IGSF9B: variants seen among roughly 807,000 people sequenced by gnomAD.
The protein encoded by IGSF9B is protein turtle homolog B.
In IGSF9B, 48 loss-of-function variants were observed where a neutral mutation model predicts 143.7. The observed-to-expected ratio is 0.33, with a 90% confidence interval of 0.26 to 0.42. The LOEUF (loss-of-function observed/expected upper bound fraction) is 0.42, where lower values mean the gene tolerates loss of function less well. Among genes scored for constraint, IGSF9B ranks in the 20% least tolerant of loss-of-function variants. The pLI, the probability that IGSF9B is intolerant of heterozygous loss-of-function variation, is 1.00. For synonymous variants in IGSF9B, 903 were observed against 833.1 expected, an observed-to-expected ratio of 1.08 and a Z score of -1.44; for missense variants, 1,706 against 1,980.0, an observed-to-expected ratio of 0.86 and a Z score of 2.63.
At chr11:133,940,628 G>A (rs959683259) in intron 3 of IGSF9B, among the ~76,000 whole-genome samples, 3 of 128,346 alleles carry the variant, frequency 2.3e-5, no homozygotes, top group Non-Finnish European at 3.2e-5. Flanking sequence ...CACCTTGCAC[G>A]TCCTCGCACG....
chr11:133,914,162 A>C (rs2121274153), intron 18 of IGSF9B, among the ~76,000 whole-genome samples: 1 of 152,330 alleles, frequency 6.6e-6, no homozygotes, highest in Admixed American at 6.5e-5. Context: ...CTGCTGTACA[A>C]TAATTGCCTG....
In IGSF9B at chr11:133,904,569, G is replaced by C. The variant is rs1223299395; in HGVS notation, c.*4500C>G. 6.6e-6 allele frequency among the ~76,000 whole-genome samples: 1 copy of C among 152,012 alleles called. No individual in the cohort carries two copies. Among genetic ancestry groups the C allele is most frequent in the Non-Finnish European group, 1.5e-5 (1 of 67,998 alleles). On this transcript the variant is annotated 3_prime_UTR_variant, in exon 20 of 20. Transcript: ENST00000533871. ...CCCAGATCCCCCTCCCACATGCCCTGCATGGCTACCACTCCCCAGCCAGAT... is the reference window on the plus strand; with the variant it reads ...CCCAGATCCCCCTCCCACATGCCCTCCATGGCTACCACTCCCCAGCCAGAT...
At chr11:133,930,583 G>A (rs1281957992) in intron 11 of IGSF9B, among the ~76,000 whole-genome samples, 1 of 152,128 alleles carries the variant, frequency 6.6e-6, no homozygotes, top group Non-Finnish European at 1.5e-5. Flanking sequence ...CCGCACGCCA[G>A]GCCTGGCCTG....
intron 18 of IGSF9B, chr11:133,919,231 T>TA (rs1194065560): frequency 5.5e-6 from 2 of 362,132 alleles, no homozygotes; most frequent in Non-Finnish European, 1.1e-5. Context: ...CTAGGGCTGC[T>TA]AAGGGCCAGG....
chr11:133,927,198 G>A, intron 12 of IGSF9B, 107 bp from the exon 13 acceptor site: 1 of 886,540 alleles, frequency 1.1e-6, no homozygotes, highest in Non-Finnish European at 1.7e-6. Context: ...GGTGGGCCTG[G>A]CGTTCCTAGG....
At chr11:133,915,882 T>C (rs760162734) in intron 18 of IGSF9B, among the ~76,000 whole-genome samples, 2 of 152,178 alleles carry the variant, frequency 1.3e-5, no homozygotes, top group African/African-American at 2.4e-5. Context: ...AAGCCACTCA[T>C]AGACGGGCCA....
intron 11 of IGSF9B, 101 bp downstream of exon 11, chr11:133,930,883 G>C: frequency 1.6e-6 from 2 of 1,216,934 alleles, no homozygotes; most frequent in Non-Finnish European, 2.3e-6. Flanking sequence ...GGAGCCCGCA[G>C]AGTGCAGCGG....
intron 3 of IGSF9B, among the ~76,000 whole-genome samples, chr11:133,942,697 T>A (rs1939973536): frequency 6.6e-6 from 1 of 152,224 alleles, no homozygotes; most frequent in Non-Finnish European, 1.5e-5. Context: ...GGCGAGGTTT[T>A]AGCGGCAGAT....
intron 18 of IGSF9B, chr11:133,919,124 G>GC: frequency 2.7e-6 from 1 of 368,528 alleles, no homozygotes. Context: ...TATACGGGGG[G>GC]GGGGTGGGGG....
chr11:133,944,277 G>T lies in IGSF9B; in HGVS notation c.352C>A (p.Leu118Met), dbSNP rs531377479. 1 of 1,613,826 alleles carries T rather than the reference G, an allele frequency of 6.2e-7. No individual in the cohort carries two copies. Among genetic ancestry groups the T allele is most frequent in the African/African-American group, 1.3e-5 (1 of 75,046 alleles). ...QGWYECKVLM[L>M]DQQYDTFHNG... ...TGGAAGGTGTCATACTGCTGGTCCA[G>T]CATGAGCACTTTGCACTCATACCAG... The change falls in exon 3 of 20, where the codon CTG (leucine) becomes ATG (methionine). Residue 118 changes from leucine (L) to methionine (M), a missense_variant. Physicochemically the swap from Leu to Met is conservative, Grantham distance 15. Around this residue, in one of 7 missense-constraint regions of IGSF9B, gnomAD observed 171 missense variants for 213.9 expected, o/e 0.80. Transcript: ENST00000533871.
rs1040416745 is a variant in IGSF9B, at chr11:133,899,776, C to A, written c.*9293G>T. The A allele has an allele frequency of 6.6e-6, 1 of 152,228 alleles. No homozygotes were observed. The highest frequency in any genetic ancestry group is 2.4e-5 in the African/African-American group (1 of 41,440). The allele number at this position is 152,228 out of a possible 1,614,324, so 9.4% of individuals were successfully genotyped here. On this transcript the variant is annotated 3_prime_UTR_variant, in exon 20 of 20. Coordinates refer to ENST00000533871, the MANE Select transcript of IGSF9B (RefSeq NM_001277285.4). ...AATGGGAGCCTCCCTTGTGCAGAGA[C>A]CGTGGTGGTCTGGGAAGGCTTCAAG...
At chr11:133,936,310 G>A (rs564124881) in intron 5 of IGSF9B, 116 bp from the exon 6 acceptor site, 9 of 897,580 alleles carry the variant, frequency 1.0e-5, no homozygotes, top group African/African-American at 9.9e-5. Flanking sequence ...TGCGATGGGG[G>A]CGGCTGTCAT....
At chr11:133,923,529 A>C (rs932279200) in intron 15 of IGSF9B, among the ~76,000 whole-genome samples, 2 of 152,212 alleles carry the variant, frequency 1.3e-5, no homozygotes, top group Non-Finnish European at 2.9e-5. Flanking sequence ...CTACCATCTT[A>C]TACTCATAGG....
intron 1 of IGSF9B, chr11:133,951,971 C>G: frequency 2.2e-6 from 1 of 445,424 alleles, no homozygotes; most frequent in Non-Finnish European, 4.6e-6. Flanking sequence ...CACAGGCCCC[C>G]GCTCCATCTC....
rs1939029520 is a variant in IGSF9B, at chr11:133,897,014, C to G, written c.*12055G>C. 1 of 152,244 alleles carries G rather than the reference C, an allele frequency of 6.6e-6. No individual in the cohort carries two copies. Among genetic ancestry groups the G allele is most frequent in the Non-Finnish European group, 1.5e-5 (1 of 68,112 alleles). The allele number at this position is 152,244 out of a possible 1,614,324, so 9.4% of individuals were successfully genotyped here. ...GGAAGAACCCTCTTCCCCAGGAAAG[C>G]AAGGAAGGGTTCGGGAGGAGACAGT... On this transcript the variant is annotated 3_prime_UTR_variant, in exon 20 of 20. Coordinates refer to ENST00000533871, the MANE Select transcript of IGSF9B (RefSeq NM_001277285.4).
At chr11:133,923,909 A>G (rs1254771043) in intron 15 of IGSF9B, among the ~76,000 whole-genome samples, 1 of 152,182 alleles carries the variant, frequency 6.6e-6, no homozygotes, top group Non-Finnish European at 1.5e-5. Context: ...CTCTGAGTCT[A>G]TTCCCCACAG....
chr11:133,933,918 G>A (rs1289573033), intron 7 of IGSF9B, among the ~76,000 whole-genome samples: 1 of 151,918 alleles, frequency 6.6e-6, no homozygotes, highest in African/African-American at 2.4e-5. Context: ...TCAGAGAACA[G>A]TGTTACATAA....
At chr11:133,918,021 G>A (rs946625762) in intron 18 of IGSF9B, among the ~76,000 whole-genome samples, 9 of 144,156 alleles carry the variant, frequency 6.2e-5, no homozygotes, top group African/African-American at 2.0e-4. Context: ...GCCGCAGGGG[G>A]CTCTAGAGGG....
Position 133,927,110 on chromosome 11 carries a change from C to T in IGSF9B, c.1632-19G>A, listed in dbSNP as rs1939642199. ...CTTCATCCTGGCCAAAAGAGAGAGA[C>T]AGGATAGGGGACGAGGGGCGGGGTG... On this transcript the variant is annotated intron_variant, in intron 12 of 19. Transcript: ENST00000533871. 6.5e-7 allele frequency: 1 copy of T among 1,538,992 alleles called. No homozygotes were observed. Among genetic ancestry groups the T allele is most frequent in the Admixed American group, 2.0e-5 (1 of 50,952 alleles).
Sources: allele counts gnomAD v4.1 joint callset (sites outside exome capture counted in the v4.1 genomes callset), GRCh38; gene constraint gnomAD v4.1.1; regional missense constraint gnomAD v4.1.1; transcripts MANE v1.5; gene names NCBI Gene and HGNC (gene_info 2026-07-23, HGNC 2026-07-21).